Variants in SGCD observed in about 807,000 individuals in gnomAD.
The protein encoded by SGCD is sarcoglycan delta.
SGCD carries 18 observed loss-of-function variants against 36.6 expected under a neutral mutation model. That is an observed-to-expected ratio of 0.49 (90% confidence interval 0.34 to 0.73). The LOEUF is 0.73. Ranked by LOEUF, SGCD falls within the 30% of genes least tolerant of loss-of-function variation. The pLI is 0.01. For synonymous variants in SGCD, 133 were observed against 130.6 expected (o/e 1.02, Z -0.12); for missense variants, 387 against 346.7 (o/e 1.12, Z -0.92).
At chr5:156,744,276 G>A (rs1756837841) in intron 7 of SGCD, among the ~76,000 whole-genome samples, 3 of 152,222 alleles carry the variant, frequency 2.0e-5, no homozygotes, top group South Asian at 4.1e-4. Flanking sequence ...AGGTTTGGAA[G>A]GTGAGAATGC....
chr5:155,832,489 C>A, the SGCD span, among the ~76,000 whole-genome samples: 1 of 152,096 alleles, frequency 6.6e-6, no homozygotes, highest in East Asian at 1.9e-4. Context: ...ATGGTTGGCT[C>A]CAGTCTATTT....
At chr5:156,657,207 TA>T (rs1203848832) in intron 7 of SGCD, among the ~76,000 whole-genome samples, 2 of 151,944 alleles carry the variant, frequency 1.3e-5, no homozygotes, top group Non-Finnish European at 2.9e-5. Flanking sequence ...AAATATTGGA[TA>T]AATAGTCTGA....
At chr5:155,984,592 T>C (rs1174025568) in intron 1 of SGCD, among the ~76,000 whole-genome samples, 1 of 152,228 alleles carries the variant, frequency 6.6e-6, no homozygotes, top group African/African-American at 2.4e-5. Flanking sequence ...GCTGGTGTCT[T>C]CGGCATTAAT....
intron 1 of SGCD, among the ~76,000 whole-genome samples, chr5:155,934,379 T>G (rs1486486490): frequency 6.6e-6 from 1 of 152,188 alleles, no homozygotes; most frequent in African/African-American, 2.4e-5. Flanking sequence ...TTAACGATCT[T>G]TTTTTGCGTA....
chr5:155,919,251 C>T lies in SGCD; in HGVS notation c.-282+48827C>T, dbSNP rs190856769. Among the ~76,000 whole-genome samples, 774 of 152,320 alleles carry T rather than the reference C, an allele frequency of 5.1e-3. 1 individual carries two copies. The highest frequency in any genetic ancestry group is 9.5e-3 in the Admixed American group (146 of 15,290). The stretch of plus-strand genomic sequence containing the variant: ...TATGCAAGTTCAAAAAGATTAAGTG[C>T]CTCTCCCAAGGTCACATTGCTAGTA... On this transcript the variant is annotated intron_variant, in intron 1 of 9. Coordinates refer to the SGCD transcript ENST00000517913.
intron 3 of SGCD, among the ~76,000 whole-genome samples, chr5:156,149,747 A>G (rs552688457): frequency 3.9e-5 from 6 of 152,110 alleles, no homozygotes; most frequent in Non-Finnish European, 7.4e-5. Flanking sequence ...GCCCTGCCTG[A>G]AGGAGGCTGG....
chr5:155,821,670 G>A, the SGCD span, among the ~76,000 whole-genome samples: 2 of 152,134 alleles, frequency 1.3e-5, no homozygotes, highest in Non-Finnish European at 2.9e-5. Flanking sequence ...ATAGGAGAGT[G>A]CTTTAATAGA....
rs573792632 is a variant in SGCD, at chr5:155,912,383, T to G, written c.-282+41959T>G. ...TTGTGCTGGCAATAACATTGAGAAATTACACACCAACAGAGAAAATGCCTT... is the reference window on the plus strand; with the variant it reads ...TTGTGCTGGCAATAACATTGAGAAAGTACACACCAACAGAGAAAATGCCTT... On this transcript the variant is annotated intron_variant, in intron 1 of 9. Coordinates refer to the SGCD transcript ENST00000517913. Among the ~76,000 whole-genome samples the G allele has an allele frequency of 1.5e-4, 23 of 152,254 alleles. No individual in the cohort carries two copies. In the East Asian group the frequency reaches 4.2e-3, roughly 28 times the overall value.
chr5:156,508,464 T>C lies in SGCD; in HGVS notation c.193-137T>C, dbSNP rs2127874996. 8 of 613,980 alleles carry C rather than the reference T, an allele frequency of 1.3e-5. No homozygotes were observed. The South Asian group carries it at 1.6e-4, about 12-fold the overall frequency. The allele number at this position is 613,980 out of a possible 1,614,324, so 38.0% of individuals were successfully genotyped here. A position where few individuals can be genotyped will look rare whatever the true frequency, so the allele number is the denominator to read the frequency against. ...CAATACCTCCTAATATTTTACATGTTTTTTGAATACCCGTCCTCATTCCAC... is the reference window on the plus strand; with the variant it reads ...CAATACCTCCTAATATTTTACATGTCTTTTGAATACCCGTCCTCATTCCAC... On this transcript the variant is annotated intron_variant, in intron 3 of 8. Coordinates refer to ENST00000337851, the MANE Select transcript of SGCD (RefSeq NM_000337.6).
At chr5:155,831,085 T>C in the SGCD span, among the ~76,000 whole-genome samples, 1 of 152,192 alleles carries the variant, frequency 6.6e-6, no homozygotes, top group Admixed American at 6.5e-5. Context: ...AACCTTTCTC[T>C]GGTTAGATAA....
At chr5:155,947,481 A>T (rs753636093) in intron 1 of SGCD, among the ~76,000 whole-genome samples, 2 of 152,152 alleles carry the variant, frequency 1.3e-5, no homozygotes, top group African/African-American at 2.4e-5. Flanking sequence ...ACTTTCCTCA[A>T]AGTCTTAGAA....
chr5:156,483,168 T>C (rs1197172289), intron 3 of SGCD, among the ~76,000 whole-genome samples: 1 of 152,034 alleles, frequency 6.6e-6, no homozygotes, highest in Non-Finnish European at 1.5e-5. Flanking sequence ...GATACAAAGG[T>C]TCTGAGGCTG....
chr5:156,116,943 A>C (rs1192481953), intron 1 of SGCD, among the ~76,000 whole-genome samples: 2 of 151,966 alleles, frequency 1.3e-5, no homozygotes, highest in Non-Finnish European at 2.9e-5. Flanking sequence ...TACTCCTCTG[A>C]GCCTCAGACT....
At chr5:156,358,776 A>G (rs1029660054) in intron 3 of SGCD, among the ~76,000 whole-genome samples, 1 of 152,256 alleles carries the variant, frequency 6.6e-6, no homozygotes, top group Admixed American at 6.5e-5. Flanking sequence ...GTTAAAAATG[A>G]AAACTCAACA....
intron 6 of SGCD, among the ~76,000 whole-genome samples, chr5:156,630,663 A>G (rs926193662): frequency 1.3e-5 from 2 of 152,242 alleles, no homozygotes; most frequent in Non-Finnish European, 2.9e-5. Context: ...GATATTTATG[A>G]GAATTTAAAG....
chr5:156,410,059 G>C (rs1393244193), intron 3 of SGCD, among the ~76,000 whole-genome samples: 1 of 152,062 alleles, frequency 6.6e-6, no homozygotes, highest in Non-Finnish European at 1.5e-5. Flanking sequence ...TTTCAATCTG[G>C]CTTCTGAACC....
intron 3 of SGCD, among the ~76,000 whole-genome samples, chr5:156,471,592 G>C (rs918573847): frequency 6.6e-6 from 1 of 152,028 alleles, no homozygotes; most frequent in Admixed American, 6.5e-5. Flanking sequence ...GTAGGAAAAA[G>C]AAATTTATTT....
chr5:155,773,801 G>T, the SGCD span, among the ~76,000 whole-genome samples: 1 of 152,090 alleles, frequency 6.6e-6, no homozygotes, highest in Admixed American at 6.6e-5. Flanking sequence ...CTTTGGGTTG[G>T]TGGATGGAAG....
chr5:156,246,780 T>C (rs1336447725), intron 3 of SGCD, among the ~76,000 whole-genome samples: 1 of 152,184 alleles, frequency 6.6e-6, no homozygotes, highest in African/African-American at 2.4e-5. Flanking sequence ...TTTCTATAAA[T>C]GGCTTTCCGC....
Sources: allele counts gnomAD v4.1 joint callset (sites outside exome capture counted in the v4.1 genomes callset), GRCh38; gene constraint gnomAD v4.1.1; transcripts MANE v1.5; gene names NCBI Gene and HGNC (gene_info 2026-07-23, HGNC 2026-07-21).